The following ABI3BP variants were observed in gnomAD, a reference collection of about 807,000 sequenced individuals.
The protein encoded by ABI3BP is ABI family member 3 binding protein.
In ABI3BP, 216 loss-of-function variants were observed where a neutral mutation model predicts 268.6. The ratio of observed to expected loss-of-function variants is 0.80; its 90% confidence interval spans 0.72 to 0.90. ABI3BP has a LOEUF of 0.90. ABI3BP is among the 40% of genes least tolerant of loss of function. The pLI is 0.00. For missense variants in ABI3BP, 2,090 were observed against 2,182.4 expected, an observed-to-expected ratio of 0.96 and a Z score of 0.84; for synonymous variants, 730 against 730.0, an observed-to-expected ratio of 1.00 and a Z score of 0.00.
At chr3:100,934,372 C>T (rs984771798) in intron 1 of ABI3BP, among the ~76,000 whole-genome samples, 11 of 152,056 alleles carry the variant, frequency 7.2e-5, no homozygotes, top group African/African-American at 2.4e-4. Context: ...TTTCCTTATC[C>T]AGTCTATCAC....
At chr3:100,794,423 C>A (rs1409304639) in intron 54 of ABI3BP, among the ~76,000 whole-genome samples, 1 of 151,894 alleles carries the variant, frequency 6.6e-6, no homozygotes, top group Non-Finnish European at 1.5e-5. Flanking sequence ...TTGGGTGGCA[C>A]AGAGGCTGCA....
At chr3:100,945,880 A>G (rs2071932599) in intron 1 of ABI3BP, among the ~76,000 whole-genome samples, 2 of 152,170 alleles carry the variant, frequency 1.3e-5, no homozygotes, top group African/African-American at 4.8e-5. Context: ...TTAATGCATA[A>G]TTTATTAAGA....
intron 1 of ABI3BP, among the ~76,000 whole-genome samples, chr3:100,953,289 T>C (rs998060764): frequency 6.6e-5 from 10 of 152,210 alleles, no homozygotes; most frequent in African/African-American, 2.2e-4. Context: ...TTTGTTACAT[T>C]ATCTCTTTCG....
Position 100,755,826 on chromosome 3 carries a change from G to C in ABI3BP, c.4851-1135C>G, listed in dbSNP as rs546742347. ...AGCTAATAATATTTTGAGAGTTTCA[G>C]ATTTGCTCAAGGCTTTTGGGAGATA... On this transcript the variant is annotated intron_variant, in intron 63 of 67. Coordinates refer to ENST00000471714, the MANE Select transcript of ABI3BP (RefSeq NM_001375547.2). Among the ~76,000 whole-genome samples, 29 of 152,328 alleles carry C rather than the reference G, an allele frequency of 1.9e-4. No individual in the cohort carries two copies. The South Asian group carries it at 6.0e-3, about 32-fold the overall frequency.
At chr3:100,905,253 G>C (rs1158637731) in intron 2 of ABI3BP, among the ~76,000 whole-genome samples, 1 of 152,030 alleles carries the variant, frequency 6.6e-6, no homozygotes, top group Admixed American at 6.5e-5. Context: ...ACACACCGGG[G>C]CCTGTTGTTG....
chr3:100,993,237 T>A lies in ABI3BP; in HGVS notation c.79+69A>T, dbSNP rs185785727. 345 of 1,156,998 alleles carry A rather than the reference T, an allele frequency of 3.0e-4. 2 individuals carry two copies. The African/African-American group carries it at 4.6e-3, about 15-fold the overall frequency. 71.7% of individuals were successfully genotyped at this position (1,156,998 alleles called of 1,614,324 possible). On this transcript the variant is annotated intron_variant, in intron 1 of 67. Transcript: ENST00000471714. Reference sequence around the variant, plus strand: ...CCCGTATGGTAAAGCAGATCATATTTAAAATCAACATTTAAAAACATCTAT... The same window carrying A: ...CCCGTATGGTAAAGCAGATCATATTAAAAATCAACATTTAAAAACATCTAT...
chr3:100,925,286 C>A (rs1411076740), intron 2 of ABI3BP, among the ~76,000 whole-genome samples: 1 of 152,070 alleles, frequency 6.6e-6, no homozygotes, highest in Non-Finnish European at 1.5e-5. Context: ...TAGGATAACA[C>A]CTCTGAAACT....
At chr3:100,819,943 G>A (rs1488218575) in intron 40 of ABI3BP, among the ~76,000 whole-genome samples, 15 of 93,632 alleles carry the variant, frequency 1.6e-4, no homozygotes, top group South Asian at 3.9e-4. Flanking sequence ...GTAAGACTCC[G>A]TCTCAAAAAA....
At chr3:100,837,213 G>A in intron 26 of ABI3BP, 42 bp from the exon 27 acceptor site, 1 of 1,495,980 alleles carries the variant, frequency 6.7e-7, no homozygotes, top group Non-Finnish European at 8.9e-7. Flanking sequence ...ATAAAAGCAA[G>A]GAAGTCTAAA....
chr3:100,982,287 C>T (rs1330327942), intron 1 of ABI3BP, among the ~76,000 whole-genome samples: 2 of 152,210 alleles, frequency 1.3e-5, no homozygotes, highest in East Asian at 3.9e-4. Flanking sequence ...CAGAGCCAAA[C>T]TATATTGGCA....
chr3:100,846,838 T>C (rs1232160199), intron 19 of ABI3BP, among the ~76,000 whole-genome samples: 3 of 152,194 alleles, frequency 2.0e-5, no homozygotes, highest in Non-Finnish European at 2.9e-5. Context: ...CACCATGTTT[T>C]ACAATTAATA....
intron 61 of ABI3BP, among the ~76,000 whole-genome samples, chr3:100,773,657 T>C (rs2096619066): frequency 6.6e-6 from 1 of 152,228 alleles, no homozygotes. Flanking sequence ...ATGGTCATAA[T>C]AGCTTTATCA....
At chr3:100,852,799 TAA>T (rs1242169799) in intron 14 of ABI3BP, among the ~76,000 whole-genome samples, 1 of 152,220 alleles carries the variant, frequency 6.6e-6, no homozygotes, top group Non-Finnish European at 1.5e-5. Flanking sequence ...AGCTTAAATA[TAA>T]AGATTGACTT....
Position 100,751,644 on chromosome 3 carries a change from C to A in ABI3BP, c.5153G>T (p.Gly1718Val). 1 of 1,604,270 alleles carries A rather than the reference C, an allele frequency of 6.2e-7. No homozygotes were observed. Among genetic ancestry groups the A allele is most frequent in the Non-Finnish European group, 8.5e-7 (1 of 1,174,792 alleles). ...GKFYNIGDQRGHGEDHCQFVD... is the reference protein window; with the variant it reads ...GKFYNIGDQRVHGEDHCQFVD... Reference sequence around the variant, plus strand: ...AAACTGGCAGTGATCTTCTCCATGGCCCCTCTGATCACCTATGTTATAAAA... The same window carrying A: ...AAACTGGCAGTGATCTTCTCCATGGACCCTCTGATCACCTATGTTATAAAA... Residue 1718 changes from glycine to valine, a missense_variant, in exon 67 of 68, where the codon GGC becomes GTC. Coordinates refer to ENST00000471714, the MANE Select transcript of ABI3BP (RefSeq NM_001375547.2).
intron 1 of ABI3BP, among the ~76,000 whole-genome samples, chr3:100,984,720 G>A (rs1466808389): frequency 6.6e-6 from 1 of 152,176 alleles, no homozygotes; most frequent in Admixed American, 6.5e-5. Context: ...ATACGGAGTA[G>A]AATAAGTACT....
chr3:100,850,843 A>G, intron 15 of ABI3BP, 109 bp from the exon 16 acceptor site: 1 of 788,108 alleles, frequency 1.3e-6, no homozygotes, highest in South Asian at 1.8e-5. Flanking sequence ...TATCAAGAAT[A>G]CTTGAGGGCT....
Position 100,886,139 on chromosome 3 carries a change from T to C in ABI3BP, c.643+3A>G, listed in dbSNP as rs978016892. The C allele has an allele frequency of 6.4e-7, 1 of 1,569,400 alleles. No homozygotes were observed. ...ACTGAAACAAACATTTCTAGGTACTTACTTCCAACAACAGTCTTGTGATTG... is the reference window on the plus strand; with the variant it reads ...ACTGAAACAAACATTTCTAGGTACTCACTTCCAACAACAGTCTTGTGATTG... On this transcript the variant is annotated splice_donor_region_variant and intron_variant, in intron 5 of 67. Transcript: ENST00000471714.
intron 1 of ABI3BP, among the ~76,000 whole-genome samples, chr3:100,946,422 G>A (rs2072347532): frequency 1.3e-5 from 2 of 150,616 alleles, no homozygotes; most frequent in African/African-American, 2.4e-5. Flanking sequence ...TAATTATTGT[G>A]ATTCCAAATT....
At position 100,794,990 on chromosome 3, in the gene ABI3BP, T is replaced by G; in HGVS notation, c.3879A>C (p.Thr1293=). The stretch of plus-strand genomic sequence containing the variant: ...TCATGGGTATAAAAGGGATGCCTCG[T>G]GTCTCTAGAGGAGCTGCAAAAAGAA... ...PPKTTIAPLE[T]RGIPFIPMIS... The change falls in exon 54 of 68, where the codon ACA becomes ACC. Residue 1293 remains threonine (T), a synonymous_variant. Transcript: ENST00000471714. 6.5e-7 allele frequency: 1 copy of G among 1,545,978 alleles called. No individual in the cohort carries two copies. Among genetic ancestry groups the G allele is most frequent in the African/African-American group, 1.4e-5 (1 of 72,090 alleles).
Sources: allele counts gnomAD v4.1 joint callset (sites outside exome capture counted in the v4.1 genomes callset), GRCh38; gene constraint gnomAD v4.1.1; transcripts MANE v1.5; gene names NCBI Gene and HGNC (gene_info 2026-07-23, HGNC 2026-07-21).